The following CIITA variants were observed in gnomAD, a reference collection of about 807,000 sequenced individuals.
CIITA encodes the protein class II major histocompatibility complex transactivator, also known as MHC class II transactivator.
In CIITA, 72 loss-of-function variants were observed where a neutral mutation model predicts 115.1. That is an observed-to-expected ratio of 0.63 (90% CI 0.52 to 0.76). The LOEUF (loss-of-function observed/expected upper bound fraction) is 0.76, where lower values mean the gene tolerates loss of function less well. Ranked by LOEUF, CIITA falls within the 30% of genes least tolerant of loss-of-function variation. CIITA has a pLI of 0.00. For synonymous variants in CIITA, 763 were observed against 635.6 expected, an observed-to-expected ratio of 1.20 and a Z score of -3.02; for missense variants, 1,617 against 1,463.8, an observed-to-expected ratio of 1.10 and a Z score of -1.71.
intron 15 of CIITA, chr16:10,916,950 T>C: frequency 3.8e-6 from 1 of 264,558 alleles, no homozygotes; most frequent in Non-Finnish European, 7.4e-6. Context: ...TCAGGAATCT[T>C]AAATTCTAGT....
chr16:10,900,765 A>G (rs1176993184), intron 5 of CIITA, among the ~76,000 whole-genome samples: 2 of 152,032 alleles, frequency 1.3e-5, no homozygotes, highest in Non-Finnish European at 2.9e-5. Flanking sequence ...TGTTTTCAAG[A>G]TACAATAAAA....
At chr16:10,873,039 C>T (rs2035590995), upstream of CIITA, among the ~76,000 whole-genome samples, 1 of 152,180 alleles carries the variant, frequency 6.6e-6, no homozygotes, top group African/African-American at 2.4e-5. Flanking sequence ...GTGGCGCAAT[C>T]ACAGCTCACT....
downstream of CIITA, chr16:10,940,169 C>A (rs140140335): frequency 1.3e-5 from 2 of 152,284 alleles, no homozygotes; most frequent in Non-Finnish European, 2.9e-5. The surrounding 1 kb of genome is among the most constrained non-coding windows in gnomAD (Gnocchi z 4.2). Flanking sequence ...CCATCTGCAA[C>A]AGACTCAATG....
chr16:10,881,322 G>GC (rs1567363714), intron 1 of CIITA, among the ~76,000 whole-genome samples: 1 of 152,044 alleles, frequency 6.6e-6, no homozygotes, highest in African/African-American at 2.4e-5. Flanking sequence ...AGAGAAAAAA[G>GC]TCAGAGAGGA....
At chr16:10,938,297 C>G (rs970343578), downstream of CIITA, 1 of 151,844 alleles carries the variant, frequency 6.6e-6, no homozygotes, top group African/African-American at 2.4e-5. This position sits in a 1 kb window ranked among gnomAD's most constrained non-coding sequence, Gnocchi z 4.9. Context: ...AACCATGACC[C>G]TAATACTGCC....
Position 10,923,360 on chromosome 16 carries a change from G to C in CIITA, c.*22+35G>C. The C allele has an allele frequency of 6.7e-7, 1 of 1,492,300 alleles. No homozygotes were observed. Among genetic ancestry groups the C allele is most frequent in the Non-Finnish European group, 9.3e-7 (1 of 1,070,978 alleles). 92.4% of individuals were successfully genotyped at this position (1,492,300 alleles called of 1,614,324 possible). A position where few individuals can be genotyped will look rare whatever the true frequency, so the allele number is the denominator to read the frequency against. On this transcript the variant is annotated intron_variant, in intron 19 of 19. Transcript: ENST00000324288. This position sits in a 1 kb window ranked among gnomAD's most constrained non-coding sequence, Gnocchi z 5.2. Reference sequence around the variant, plus strand: ...GTGGGCTTGGGAGGGGAGAGCCGCAGTGGGTTGGGGGCAGTGTCCTTGTGA... The same window carrying C: ...GTGGGCTTGGGAGGGGAGAGCCGCACTGGGTTGGGGGCAGTGTCCTTGTGA...
chr16:10,941,832 G>A lies in CIITA; in HGVS notation n.958G>A, dbSNP rs1344043730. Reference sequence around the variant, plus strand: ...GCGCCTGGTCCATGTCCTCGGGCAGGAAGACGAGGCCCACGTTGAGGACGA... The same window carrying A: ...GCGCCTGGTCCATGTCCTCGGGCAGAAAGACGAGGCCCACGTTGAGGACGA... On this transcript the variant is annotated non_coding_transcript_exon_variant, in exon 2 of 2. Coordinates refer to the CIITA transcript ENST00000573379. The surrounding 1 kb of genome is among the most constrained non-coding windows in gnomAD (Gnocchi z 6.4). 8 of 1,613,402 alleles carry A rather than the reference G, an allele frequency of 5.0e-6. No homozygotes were observed. The East Asian group carries it at 1.1e-4, about 22-fold the overall frequency.
At chr16:10,874,247 G>A (rs1423836076), upstream of CIITA, among the ~76,000 whole-genome samples, 2 of 152,182 alleles carry the variant, frequency 1.3e-5, no homozygotes, top group East Asian at 3.8e-4. Context: ...GTCTCCTAAA[G>A]TGTTGAGATT....
At chr16:10,913,785 A>G (rs1364659970) in intron 13 of CIITA, among the ~76,000 whole-genome samples, 1 of 151,776 alleles carries the variant, frequency 6.6e-6, no homozygotes, top group African/African-American at 2.4e-5. Flanking sequence ...TAAATATACA[A>G]AACAAATTAG....
rs369632475 is a variant in CIITA, at chr16:10,922,182, C to T, written c.3165C>T (p.Cys1055=). ...TTTCCGACAGCTTGTACAATAACTG[C>T]ATCTGCGACGTGGGAGCCGAGAGCT... ...SLLRLSLYNN[C]ICDVGAESLA... Residue 1055 remains cysteine (C), a synonymous_variant, in exon 17 of 20, where the codon TGC becomes TGT. Transcript: ENST00000324288. 8 of 1,614,228 alleles carry T rather than the reference C, an allele frequency of 5.0e-6. No homozygotes were observed. Among genetic ancestry groups the T allele is most frequent in the East Asian group, 2.2e-5 (1 of 44,884 alleles).
Position 10,931,915 on chromosome 16 carries a change from T to G in CIITA, c.*8060T>G, listed in dbSNP as rs1381971622. 6.6e-6 allele frequency: 1 copy of G among 152,192 alleles called. No individual in the cohort carries two copies. The highest frequency in any genetic ancestry group is 1.5e-5 in the Non-Finnish European group (1 of 68,034). 9.4% of individuals were successfully genotyped at this position (152,192 alleles called of 1,614,324 possible). On this transcript the variant is annotated 3_prime_UTR_variant, in exon 20 of 20. Coordinates refer to ENST00000324288, the MANE Select transcript of CIITA (RefSeq NM_000246.4). ...CAAAAAAACACAAAAGTTTCTCTTT[T>G]CAAAACATTTTACTTTAAAAGGAGC...
At position 10,929,640 on chromosome 16, in the gene CIITA, AC is replaced by A; in HGVS notation, c.*5787del. ...GTTGGCTGGGGACAGGGACCAATCC[AC>A]CAGGCTCGGGAGGCTTGGGGTGGGG... On this transcript the variant is annotated 3_prime_UTR_variant, in exon 20 of 20. Transcript: ENST00000324288. The surrounding 1 kb of genome is among the most constrained non-coding windows in gnomAD (Gnocchi z 4.3). 1.1e-6 allele frequency: 1 copy of A among 897,086 alleles called. No individual in the cohort carries two copies. Among genetic ancestry groups the A allele is most frequent in the Non-Finnish European group, 1.3e-6 (1 of 749,478 alleles). 55.6% of individuals were successfully genotyped at this position (897,086 alleles called of 1,614,324 possible).
At chr16:10,899,050 C>T (rs1450541913) in intron 5 of CIITA, 48 bp downstream of exon 5, 3 of 1,581,682 alleles carry the variant, frequency 1.9e-6, no homozygotes, top group Non-Finnish European at 2.6e-6. Context: ...TGAGACCTGG[C>T]CTTTCCTTGA....
intron 11 of CIITA, 168 bp downstream of exon 11, chr16:10,908,317 G>T (rs1232107984): frequency 3.6e-6 from 3 of 828,052 alleles, no homozygotes; most frequent in Non-Finnish European, 6.0e-6. Flanking sequence ...TCAGAGAGGG[G>T]CAGCCACTTG....
rs1027888607 is a variant in CIITA at position 10,879,542 on chromosome 16, G to C, written c.52+2160G>C. Among the ~76,000 whole-genome samples the C allele has an allele frequency of 1.3e-5, 2 of 152,148 alleles. No homozygotes were observed. The highest frequency in any genetic ancestry group is 2.4e-5 in the African/African-American group (1 of 41,444). On this transcript the variant is annotated intron_variant, in intron 1 of 19. Coordinates refer to ENST00000324288, the MANE Select transcript of CIITA (RefSeq NM_000246.4). The surrounding 1 kb of genome is among the most constrained non-coding windows in gnomAD (Gnocchi z 4.3). ...TCTCCAGGCGGGGGGCCCTGCTCAG[G>C]GAGGCAGTAGGGAGCCAAACCTTTA...
intron 10 of CIITA, 124 bp downstream of exon 10, chr16:10,904,936 T>C (rs192202862): frequency 3.8e-5 from 36 of 944,970 alleles, no homozygotes; most frequent in Middle Eastern, 2.1e-4. Context: ...CTCATTTATT[T>C]ATTCATTCAT....
chr16:10,872,827 C>T (rs909859333), upstream of CIITA, among the ~76,000 whole-genome samples: 2 of 152,122 alleles, frequency 1.3e-5, no homozygotes, highest in Non-Finnish European at 2.9e-5. Context: ...GCTCTTTCAC[C>T]AAAAAGCATG....
chr16:10,901,645 TG>T lies in CIITA; in HGVS notation c.481+91del, dbSNP rs1353707321. 1 of 1,379,320 alleles carries T rather than the reference TG, an allele frequency of 7.2e-7. No homozygotes were observed. Among genetic ancestry groups the T allele is most frequent in the Non-Finnish European group, 1.0e-6 (1 of 986,188 alleles). 85.4% of individuals were successfully genotyped at this position (1,379,320 alleles called of 1,614,324 possible). On this transcript the variant is annotated intron_variant, in intron 6 of 19. Transcript: ENST00000324288. This position sits in a 1 kb window ranked among gnomAD's most constrained non-coding sequence, Gnocchi z 6.8. Reference sequence around the variant, plus strand: ...GATTGAACTCCTGGCCCAAGTCTGATGGGGATGGTGCATGGTGCAGCCCCTG... The same window carrying T: ...GATTGAACTCCTGGCCCAAGTCTGATGGGATGGTGCATGGTGCAGCCCCTG...
At chr16:10,876,204 AG>A (rs756706130), upstream of CIITA, among the ~76,000 whole-genome samples, 3 of 152,148 alleles carry the variant, frequency 2.0e-5, no homozygotes, top group Non-Finnish European at 4.4e-5. Flanking sequence ...TTGTAGACAT[AG>A]GGTGTCACTA....
Sources: allele counts gnomAD v4.1 joint callset (sites outside exome capture counted in the v4.1 genomes callset), GRCh38; gene constraint gnomAD v4.1.1; non-coding constraint Gnocchi (gnomAD v3.1); transcripts MANE v1.5; gene names NCBI Gene and HGNC (gene_info 2026-07-23, HGNC 2026-07-21).